The following MEIS2 variants were observed in gnomAD, a reference collection of about 807,000 sequenced individuals.
The protein encoded by MEIS2 is homeobox protein Meis2.
A neutral mutation model predicts 58.6 loss-of-function variants in MEIS2; 9 were observed. That is an observed-to-expected ratio of 0.15 (90% CI 0.09 to 0.27). The LOEUF is 0.27. MEIS2 is among the 10% of genes least tolerant of loss of function. The probability of loss-of-function intolerance (pLI) is 1.00; values close to 1 mark genes in which losing one functional copy is unlikely to be tolerated. For synonymous variants in MEIS2, 221 were observed against 228.4 expected, an observed-to-expected ratio of 0.97 and a Z score of 0.29; for missense variants, 427 against 635.0, an observed-to-expected ratio of 0.67 and a Z score of 3.52.
chr15:36,956,556 G>A (rs1182955707), intron 8 of MEIS2, among the ~76,000 whole-genome samples: 1 of 152,174 alleles, frequency 6.6e-6, no homozygotes, highest in African/African-American at 2.4e-5. Context: ...ATGGGAGTCA[G>A]TTATGAAACT....
Position 36,949,789 on chromosome 15 carries a change from C to T in MEIS2, c.977+535G>A, listed in dbSNP as rs571561699. 1.3e-5 allele frequency among the ~76,000 whole-genome samples: 2 copies of T among 152,066 alleles called. 1 individual carries two copies. The highest frequency in any genetic ancestry group is 4.8e-5 in the African/African-American group (2 of 41,482). ...TACAAAGGGTGGATGGTCCATACACCAGCACGGGAGTAATCTACCAAATCG... is the reference window on the plus strand; with the variant it reads ...TACAAAGGGTGGATGGTCCATACACTAGCACGGGAGTAATCTACCAAATCG... On this transcript the variant is annotated intron_variant, in intron 9 of 11. Coordinates refer to ENST00000561208, the MANE Select transcript of MEIS2 (RefSeq NM_170675.5).
chr15:36,906,665 A>AC (rs1320218151), intron 9 of MEIS2, among the ~76,000 whole-genome samples: 4 of 151,714 alleles, frequency 2.6e-5, no homozygotes, highest in Non-Finnish European at 5.9e-5. Flanking sequence ...AAAAAAAAAA[A>AC]AAAAAACAAG....
intron 9 of MEIS2, among the ~76,000 whole-genome samples, chr15:36,949,923 A>G: frequency 6.6e-6 from 1 of 152,032 alleles, no homozygotes; most frequent in Admixed American, 6.6e-5. Flanking sequence ...AAGCCAAGAC[A>G]AAAGAATCCT....
At chr15:37,050,612 C>T (rs946807499) in intron 7 of MEIS2, among the ~76,000 whole-genome samples, 1 of 152,098 alleles carries the variant, frequency 6.6e-6, no homozygotes, top group African/African-American at 2.4e-5. Flanking sequence ...TGACATTTTT[C>T]TATTTCTCTG....
At chr15:37,079,770 C>T (rs989472205) in intron 7 of MEIS2, among the ~76,000 whole-genome samples, 6 of 152,178 alleles carry the variant, frequency 3.9e-5, no homozygotes, top group African/African-American at 4.8e-5. Flanking sequence ...AACAGAGGGA[C>T]GTGGTAGGTG....
chr15:37,036,655 T>C (rs965189056), intron 8 of MEIS2, 159 bp downstream of exon 8: 17 of 703,470 alleles, frequency 2.4e-5, no homozygotes, highest in Non-Finnish European at 2.9e-5. Context: ...TGGATGGTAA[T>C]AGTTGATGAA....
intron 8 of MEIS2, among the ~76,000 whole-genome samples, chr15:36,976,238 C>T (rs1027198204): frequency 2.6e-5 from 4 of 152,072 alleles, no homozygotes; most frequent in Non-Finnish European, 4.4e-5. Context: ...GCGGCCACCA[C>T]CATGCCCAGC....
chr15:36,906,925 T>C (rs1243992047), intron 9 of MEIS2, among the ~76,000 whole-genome samples: 3 of 152,202 alleles, frequency 2.0e-5, no homozygotes, highest in South Asian at 2.1e-4. Context: ...TTGTTTCTAA[T>C]AGGACCAATT....
chr15:36,897,026 T>TA (rs747009223), intron 9 of MEIS2: 7 of 220,124 alleles, frequency 3.2e-5, no homozygotes, highest in Non-Finnish European at 6.4e-5. Flanking sequence ...CCCCTTTCCC[T>TA]AGACTCCCCG....
At chr15:37,098,486 G>A in intron 1 of MEIS2, 2 of 869,686 alleles carry the variant, frequency 2.3e-6, no homozygotes, top group Non-Finnish European at 3.0e-6. Flanking sequence ...TGAGCACACA[G>A]AAACCAAACC....
At chr15:36,964,221 T>G (rs971075205) in intron 8 of MEIS2, among the ~76,000 whole-genome samples, 1 of 152,230 alleles carries the variant, frequency 6.6e-6, no homozygotes, top group African/African-American at 2.4e-5. Flanking sequence ...AACATTCTGG[T>G]GGATTTACTA....
rs571250374 is a variant in MEIS2, at chr15:37,097,503, T to C, written c.245+464A>G. 2.5e-5 allele frequency: 4 copies of C among 157,074 alleles called. No homozygotes were observed. The South Asian group carries it at 8.2e-4, about 32-fold the overall frequency. 9.7% of individuals were successfully genotyped at this position (157,074 alleles called of 1,614,324 possible). A position where few individuals can be genotyped will look rare whatever the true frequency, so the allele number is the denominator to read the frequency against. On this transcript the variant is annotated intron_variant, in intron 2 of 11. Transcript: ENST00000561208. Reference sequence around the variant, plus strand: ...TCCTGGCCGACAGAAGCAGCCCTGATCCCAGCTCAAGCTGCTGTTAGTGAC... The same window carrying C: ...TCCTGGCCGACAGAAGCAGCCCTGACCCCAGCTCAAGCTGCTGTTAGTGAC...
chr15:36,937,711 T>C (rs986349644), intron 9 of MEIS2, among the ~76,000 whole-genome samples: 4 of 152,142 alleles, frequency 2.6e-5, no homozygotes, highest in Admixed American at 1.3e-4. Flanking sequence ...AGGAAGATTT[T>C]TGTTGTTGTT....
chr15:37,099,190 TCA>T (rs938091890), intron 1 of MEIS2: 20 of 1,404,662 alleles, frequency 1.4e-5, no homozygotes, highest in African/African-American at 5.8e-5. Flanking sequence ...CACACACCAC[TCA>T]CACGCACTCG....
chr15:36,927,037 C>A (rs570537875), intron 9 of MEIS2, among the ~76,000 whole-genome samples: 1 of 152,180 alleles, frequency 6.6e-6, no homozygotes, highest in Non-Finnish European at 1.5e-5. Context: ...GGCAAAAATA[C>A]AAACTGTCCA....
At chr15:36,992,601 G>C (rs1041152863) in intron 8 of MEIS2, among the ~76,000 whole-genome samples, 2 of 152,122 alleles carry the variant, frequency 1.3e-5, no homozygotes, top group Admixed American at 1.3e-4. Context: ...TGGCCCACAT[G>C]GTTCTCTCAT....
chr15:36,953,801 T>A (rs2058851456), intron 8 of MEIS2, among the ~76,000 whole-genome samples: 1 of 152,226 alleles, frequency 6.6e-6, no homozygotes, highest in Non-Finnish European at 1.5e-5. Context: ...AAGCAAGCTA[T>A]CTTTATTCAA....
intron 8 of MEIS2, among the ~76,000 whole-genome samples, chr15:37,023,519 G>A (rs1316986599): frequency 6.6e-6 from 1 of 152,114 alleles, no homozygotes; most frequent in African/African-American, 2.4e-5. Flanking sequence ...TCTGTCCCAG[G>A]AAAGATTATC....
chr15:37,000,444 C>G (rs2141594735), intron 8 of MEIS2, among the ~76,000 whole-genome samples: 1 of 152,242 alleles, frequency 6.6e-6, no homozygotes, highest in South Asian at 2.1e-4. Context: ...AACCACAACC[C>G]CTACACTGAA....
Sources: gnomAD v4.1 joint callset for allele counts (sites outside exome capture counted in the v4.1 genomes callset) on GRCh38, gnomAD v4.1.1 for gene constraint, MANE v1.5 for transcripts, NCBI Gene and HGNC (gene_info 2026-07-23, HGNC 2026-07-21) for gene names.